EYS: variants seen among roughly 807,000 people sequenced by gnomAD.
The protein encoded by EYS is EGF-like photoreceptor maintenance factor.
A neutral mutation model predicts 282.1 loss-of-function variants in EYS; 250 were observed. The ratio of observed to expected loss-of-function variants is 0.89; its 90% CI spans 0.80 to 0.98. The LOEUF (loss-of-function observed/expected upper bound fraction) is 0.98, where lower values mean the gene tolerates loss of function less well. EYS is among the 50% of genes least tolerant of loss of function. The pLI, the probability that EYS is intolerant of heterozygous loss-of-function variation, is 0.00. For missense variants in EYS, 4,016 were observed against 3,709.0 expected (o/e 1.08, Z -2.15); for synonymous variants, 1,355 against 1,282.9 (o/e 1.06, Z -1.20).
chr6:63,744,222 C>G (rs1769155135), intron 41 of EYS: 1 of 152,078 alleles, frequency 6.6e-6, no homozygotes, highest in African/African-American at 2.4e-5. Flanking sequence ...GTTAAGCTGT[C>G]TTTGAGTTAC....
rs570431036 is a variant in EYS at position 64,329,410 on chromosome 6, A to C, written c.6079-22328T>G. ...ATGACTCTAAACCTAGGTCAAAGAAAAGCCATCATAATGACGCTTACTGTC... is the reference window on the plus strand; with the variant it reads ...ATGACTCTAAACCTAGGTCAAAGAACAGCCATCATAATGACGCTTACTGTC... On this transcript the variant is annotated intron_variant, in intron 29 of 42. Coordinates refer to ENST00000503581, the MANE Select transcript of EYS (RefSeq NM_001142800.2). 2.8e-3 allele frequency among the ~76,000 whole-genome samples: 427 copies of C among 152,278 alleles called. 22 individuals are homozygous for C. In the South Asian group the frequency reaches 0.087, roughly 31 times the overall value.
chr6:64,054,172 T>C (rs549438415), intron 33 of EYS, among the ~76,000 whole-genome samples: 2 of 152,194 alleles, frequency 1.3e-5, no homozygotes, highest in Non-Finnish European at 2.9e-5. Flanking sequence ...ATTTATGGTT[T>C]GATTTTGGAG....
intron 28 of EYS, among the ~76,000 whole-genome samples, chr6:64,409,538 C>A (rs151029961): frequency 6.6e-6 from 1 of 152,106 alleles, no homozygotes; most frequent in Non-Finnish European, 1.5e-5. Flanking sequence ...TAGCAAAATG[C>A]GAAGCAATTC....
chr6:64,443,775 G>A (rs182242470), intron 26 of EYS, among the ~76,000 whole-genome samples: 31 of 152,050 alleles, frequency 2.0e-4, no homozygotes, highest in East Asian at 1.6e-3. Context: ...CTTGCTCCTT[G>A]TCTTTGGCCA....
Position 63,864,144 on chromosome 6 carries a change from C to T in EYS, c.7228+42G>A, listed in dbSNP as rs1191525483. On this transcript the variant is annotated intron_variant, in intron 36 of 42. Transcript: ENST00000503581. ...TGAGTGATTTCTATCCTCTTCACCTCTTTCTGTCTGTGCTCCATGTTTAAT... is the reference window on the plus strand; with the variant it reads ...TGAGTGATTTCTATCCTCTTCACCTTTTTCTGTCTGTGCTCCATGTTTAAT... The T allele has an allele frequency of 2.1e-6, 3 of 1,420,912 alleles. No homozygotes were observed. In the African/African-American group the frequency reaches 4.3e-5, roughly 21 times the overall value. The allele number at this position is 1,420,912 out of a possible 1,614,324, so 88.0% of individuals were successfully genotyped here. A position where few individuals can be genotyped will look rare whatever the true frequency, so the allele number is the denominator to read the frequency against.
chr6:64,271,714 T>G (rs77884650), intron 30 of EYS, among the ~76,000 whole-genome samples: 13 of 14,988 alleles, frequency 8.7e-4, no homozygotes, highest in East Asian at 2.3e-3. Context: ...ATTTTGTGGG[T>G]TTTTTTTGCA....
intron 7 of EYS, among the ~76,000 whole-genome samples, chr6:65,387,831 T>C (rs1205059032): frequency 1.3e-5 from 2 of 152,008 alleles, no homozygotes; most frequent in African/African-American, 2.4e-5. Context: ...AATGTTTAAG[T>C]TGTAATTTTT....
intron 10 of EYS, among the ~76,000 whole-genome samples, chr6:65,343,132 T>C (rs554802310): frequency 1.3e-5 from 2 of 151,364 alleles, no homozygotes; most frequent in African/African-American, 4.8e-5. Context: ...GGCATACTTT[T>C]AGATGTTCTG....
intron 5 of EYS, among the ~76,000 whole-genome samples, chr6:65,409,488 A>G (rs1766889098): frequency 6.6e-6 from 1 of 152,168 alleles, no homozygotes; most frequent in African/African-American, 2.4e-5. Context: ...GATTTTGAAA[A>G]CAAATTTTAC....
At chr6:64,267,222 A>G (rs960525472) in intron 30 of EYS, among the ~76,000 whole-genome samples, 3 of 152,106 alleles carry the variant, frequency 2.0e-5, no homozygotes, top group Admixed American at 6.6e-5. Flanking sequence ...ACCACAACCC[A>G]ATGCTCAAAG....
At chr6:65,056,603 T>G (rs571493903) in intron 13 of EYS, among the ~76,000 whole-genome samples, 2 of 152,042 alleles carry the variant, frequency 1.3e-5, no homozygotes, top group East Asian at 3.9e-4. Flanking sequence ...AAATAAAAAA[T>G]GAAGTCTAAT....
intron 12 of EYS, among the ~76,000 whole-genome samples, chr6:65,166,763 A>G (rs9445481): frequency 0.016 from 2,407 of 151,292 alleles, 35 homozygotes; most frequent in African/African-American, 0.042. Flanking sequence ...AACCCATAGA[A>G]TGGTAGAAAA....
intron 26 of EYS, among the ~76,000 whole-genome samples, chr6:64,467,057 T>A (rs1160768635): frequency 6.6e-6 from 1 of 152,172 alleles, no homozygotes; most frequent in East Asian, 1.9e-4. Context: ...CTAATAAGAA[T>A]AAAAGCAATT....
chr6:64,319,310 C>T (rs1770109190), intron 29 of EYS, among the ~76,000 whole-genome samples: 1 of 151,858 alleles, frequency 6.6e-6, no homozygotes. Context: ...TTTTTAGCTA[C>T]CTATCTTACT....
rs867224436 is a variant in EYS, at chr6:64,294,998, A to G, written c.6191+11972T>C. Among the ~76,000 whole-genome samples the G allele has an allele frequency of 1.1e-4, 16 of 152,206 alleles. No individual in the cohort carries two copies. The South Asian group carries it at 1.9e-3, about 18-fold the overall frequency. ...ACCAACTAGCTGCTAATTTTTGTGG[A>G]ACACAGTTTTACATGAAAGAATAAC... On this transcript the variant is annotated intron_variant, in intron 30 of 42. Transcript: ENST00000503581.
intron 22 of EYS, among the ~76,000 whole-genome samples, chr6:64,705,297 G>A (rs750411905): frequency 8.5e-5 from 13 of 152,096 alleles, no homozygotes; most frequent in Non-Finnish European, 1.6e-4. Flanking sequence ...ATGTCTGCAA[G>A]GGAAACTACA....
chr6:65,020,641 C>A (rs1208685069), intron 13 of EYS, among the ~76,000 whole-genome samples: 1 of 152,194 alleles, frequency 6.6e-6, no homozygotes, highest in Non-Finnish European at 1.5e-5. Flanking sequence ...GCTCTCTTCT[C>A]ACAGCTCTAC....
chr6:64,820,902 C>A (rs114010786), intron 21 of EYS, among the ~76,000 whole-genome samples: 4 of 151,882 alleles, frequency 2.6e-5, no homozygotes, highest in African/African-American at 7.3e-5. Flanking sequence ...GTTTTACTGA[C>A]GAGGGAGAGA....
At chr6:65,101,621 T>G (rs904516597) in intron 12 of EYS, among the ~76,000 whole-genome samples, 1 of 151,286 alleles carries the variant, frequency 6.6e-6, no homozygotes, top group Non-Finnish European at 1.5e-5. Flanking sequence ...TACTTCTTGG[T>G]TTGTGAGTTG....
Sources: allele counts gnomAD v4.1 joint callset (sites outside exome capture counted in the v4.1 genomes callset), GRCh38; gene constraint gnomAD v4.1.1; transcripts MANE v1.5; gene names NCBI Gene and HGNC (gene_info 2026-07-23, HGNC 2026-07-21).